The following IPO9 variants were observed in gnomAD, a reference collection of about 807,000 sequenced individuals.
IPO9 encodes the protein importin 9, also known as importin-9.
Under a neutral mutation model 128.6 loss-of-function variants are expected in IPO9, and 28 were observed. That is an observed-to-expected ratio of 0.22 (90% CI 0.16 to 0.30). IPO9 has a LOEUF of 0.30. Ranked by LOEUF, IPO9 falls within the 10% of genes least tolerant of loss-of-function variation. The pLI is 1.00. For missense variants in IPO9, 935 were observed against 1,293.9 expected, an observed-to-expected ratio of 0.72 and a Z score of 4.26; for synonymous variants, 455 against 475.8, an observed-to-expected ratio of 0.96 and a Z score of 0.57.
At position 201,877,622 on chromosome 1, in the gene IPO9, CA is replaced by C. The variant is rs1680789930; in HGVS notation, c.*1571del. The C allele has an allele frequency of 1.3e-5, 2 of 151,524 alleles. No individual in the cohort carries two copies. The highest frequency in any genetic ancestry group is 2.9e-5 in the Non-Finnish European group (2 of 67,912). The allele number at this position is 151,524 out of a possible 1,614,324, so 9.4% of individuals were successfully genotyped here. ...ATATTTCTTTAGATTGATATTCTCA[CA>C]AAGAAGAAATAGAATATAGGCTGGG... On this transcript the variant is annotated 3_prime_UTR_variant, in exon 24 of 24. Transcript: ENST00000361565.
At chr1:201,834,566 G>A (rs1188421973) in intron 1 of IPO9, among the ~76,000 whole-genome samples, 4 of 152,066 alleles carry the variant, frequency 2.6e-5, no homozygotes, top group Non-Finnish European at 4.4e-5. Context: ...CATTATCCAA[G>A]TGGTGGAATG....
At chr1:201,856,919 T>G (rs1196776167) in intron 10 of IPO9, among the ~76,000 whole-genome samples, 177 bp from the exon 11 acceptor site, 1 of 152,198 alleles carries the variant, frequency 6.6e-6, no homozygotes, top group African/African-American at 2.4e-5. Flanking sequence ...ACTCCTGGGC[T>G]CAAGCAGTCC....
At chr1:201,858,701 T>G (rs992214363) in intron 12 of IPO9, 148 bp downstream of exon 12, 2 of 835,554 alleles carry the variant, frequency 2.4e-6, no homozygotes, top group African/African-American at 3.4e-5. Flanking sequence ...AATTTCACTC[T>G]TTTCAGCTAT....
At chr1:201,836,783 C>T (rs1452274836) in intron 1 of IPO9, among the ~76,000 whole-genome samples, 2 of 152,030 alleles carry the variant, frequency 1.3e-5, no homozygotes, top group African/African-American at 2.4e-5. Context: ...TGCAAATAAG[C>T]TCTTTGTCTT....
At chr1:201,863,356 A>C in intron 13 of IPO9, 92 bp from the exon 14 acceptor site, 1 of 1,390,368 alleles carries the variant, frequency 7.2e-7, no homozygotes. Flanking sequence ...CATCTCAAAA[A>C]AAAAAAATTG....
In IPO9 at chr1:201,866,937, C is replaced by A; in HGVS notation, c.1833C>A (p.Ala611=). The A allele has an allele frequency of 1.2e-6, 2 of 1,614,028 alleles. No homozygotes were observed. The highest frequency in any genetic ancestry group is 1.7e-6 in the Non-Finnish European group (2 of 1,179,910). Residue 611 remains alanine, a synonymous_variant, in exon 15 of 24, where the codon GCC becomes GCA. Transcript: ENST00000361565. ...GCAAAATCTGCCCCTTCACCATCGC[C>A]ATTTTCCTAAAGTACAGTAATGGTA... ...MESKICPFTI[A]IFLKYSNDPV...
At chr1:201,865,017 T>G (rs1240067825) in intron 14 of IPO9, among the ~76,000 whole-genome samples, 2 of 152,144 alleles carry the variant, frequency 1.3e-5, no homozygotes, top group Non-Finnish European at 2.9e-5. Flanking sequence ...AAATTTTATA[T>G]TCATTGTCAA....
chr1:201,871,897 A>C (rs958598112), intron 19 of IPO9, among the ~76,000 whole-genome samples: 1 of 152,142 alleles, frequency 6.6e-6, no homozygotes, highest in Non-Finnish European at 1.5e-5. Flanking sequence ...TCTACCACAG[A>C]CTTCACACAG....
At chr1:201,843,329 C>T (rs924678864) in intron 1 of IPO9, among the ~76,000 whole-genome samples, 3 of 152,160 alleles carry the variant, frequency 2.0e-5, no homozygotes, top group Non-Finnish European at 4.4e-5. Context: ...ATCATTCCTG[C>T]TTCCAGCACA....
At chr1:201,834,012 C>T (rs1372333372) in intron 1 of IPO9, among the ~76,000 whole-genome samples, 1 of 151,980 alleles carries the variant, frequency 6.6e-6, no homozygotes, top group Admixed American at 6.6e-5. Context: ...GCCTTGAACT[C>T]CTGCCCTCAA....
chr1:201,863,670 A>G (rs1207945557), intron 14 of IPO9, 63 bp downstream of exon 14: 42 of 1,417,610 alleles, frequency 3.0e-5, no homozygotes, highest in Non-Finnish European at 3.9e-5. Flanking sequence ...ATAACAAATC[A>G]CAGTTTTCCA....
intron 13 of IPO9, among the ~76,000 whole-genome samples, chr1:201,862,035 A>G (rs536662214): frequency 4.5e-4 from 68 of 152,342 alleles, no homozygotes; most frequent in South Asian, 1.0e-3. Flanking sequence ...AGGTAATGCT[A>G]GAGTCACTGA....
At chr1:201,847,178 T>G in intron 1 of IPO9, 101 bp from the exon 2 acceptor site, 2 of 836,250 alleles carry the variant, frequency 2.4e-6, no homozygotes, top group South Asian at 3.0e-5. Context: ...AACAACAGAT[T>G]AAGTTTCTTT....
chr1:201,851,179 CTTTT>C (rs36020873), intron 4 of IPO9, among the ~76,000 whole-genome samples: 2 of 133,520 alleles, frequency 1.5e-5, no homozygotes, highest in Non-Finnish European at 3.2e-5. Context: ...CCACATGCAG[CTTTT>C]TTTTTTTTTT....
At chr1:201,869,370 A>G (rs1453230402) in intron 16 of IPO9, among the ~76,000 whole-genome samples, 2 of 152,218 alleles carry the variant, frequency 1.3e-5, no homozygotes, top group Admixed American at 6.5e-5. Flanking sequence ...ATCCACTACC[A>G]TGTACTACTG....
rs1032161405 is a variant in IPO9 at position 201,880,992 on chromosome 1, T to G, written c.*4938T>G. The G allele has an allele frequency of 6.6e-6, 1 of 152,214 alleles. No homozygotes were observed. Among genetic ancestry groups the G allele is most frequent in the Non-Finnish European group, 1.5e-5 (1 of 68,040 alleles). The allele number at this position is 152,214 out of a possible 1,614,324, so 9.4% of individuals were successfully genotyped here. A position where few individuals can be genotyped will look rare whatever the true frequency, so the allele number is the denominator to read the frequency against. On this transcript the variant is annotated 3_prime_UTR_variant, in exon 24 of 24. Transcript: ENST00000361565. Reference sequence around the variant, plus strand: ...ATTAAATGCATTTTTCACTTAACGGTATTTTCAACTTTTGTTGGGTTTATT... The same window carrying G: ...ATTAAATGCATTTTTCACTTAACGGGATTTTCAACTTTTGTTGGGTTTATT...
chr1:201,866,591 C>A (rs867283828), intron 14 of IPO9, 142 bp from the exon 15 acceptor site: 1 of 611,974 alleles, frequency 1.6e-6, no homozygotes, highest in Non-Finnish European at 2.9e-6. Flanking sequence ...ATAATACATC[C>A]AGAAAGAAGT....
At chr1:201,829,629 G>A (rs1213538014) in intron 1 of IPO9, 1 of 374,762 alleles carries the variant, frequency 2.7e-6, no homozygotes, top group African/African-American at 2.1e-5. Context: ...GATAGATGGA[G>A]CCTAGAATCT....
In IPO9 at chr1:201,882,816, C is replaced by T. The variant is rs1680913588; in HGVS notation, c.*6762C>T. ...TGTAAAATAGGGAACTAATACCTACCTCACAGGATTGTAGTTAGAATTAAG... is the reference window on the plus strand; with the variant it reads ...TGTAAAATAGGGAACTAATACCTACTTCACAGGATTGTAGTTAGAATTAAG... On this transcript the variant is annotated 3_prime_UTR_variant, in exon 24 of 24. Coordinates refer to ENST00000361565, the MANE Select transcript of IPO9 (RefSeq NM_018085.5). The T allele has an allele frequency of 6.6e-6, 1 of 152,626 alleles. No individual in the cohort carries two copies. The highest frequency in any genetic ancestry group is 1.5e-5 in the Non-Finnish European group (1 of 68,028). 9.5% of individuals were successfully genotyped at this position (152,626 alleles called of 1,614,324 possible).
Sources: allele counts gnomAD v4.1 joint callset (sites outside exome capture counted in the v4.1 genomes callset), GRCh38; gene constraint gnomAD v4.1.1; transcripts MANE v1.5; gene names NCBI Gene and HGNC (gene_info 2026-07-23, HGNC 2026-07-21).